The following RHPN2 variants were observed in gnomAD, a reference collection of about 807,000 sequenced individuals.
RHPN2 encodes rhophilin Rho GTPase binding protein 2.
RHPN2 carries 40 observed loss-of-function variants against 79.0 expected under a neutral mutation model. The observed-to-expected ratio is 0.51, with a 90% CI of 0.39 to 0.66. The LOEUF (loss-of-function observed/expected upper bound fraction) is 0.66. RHPN2 is among the 30% of genes least tolerant of loss of function. The pLI, the probability that RHPN2 is intolerant of heterozygous loss-of-function variation, is 0.00. For synonymous variants in RHPN2, 285 were observed against 363.5 expected (o/e 0.78, Z 2.46); for missense variants, 686 against 883.5 (o/e 0.78, Z 2.83).
chr19:33,050,109 A>G (rs559437238), intron 1 of RHPN2, among the ~76,000 whole-genome samples: 2 of 152,268 alleles, frequency 1.3e-5, no homozygotes, highest in South Asian at 4.1e-4. Flanking sequence ...CCCATTGGAA[A>G]ACCAAAGCCT....
chr19:33,061,540 G>C (rs571337798), intron 1 of RHPN2, among the ~76,000 whole-genome samples: 2 of 150,386 alleles, frequency 1.3e-5, no homozygotes, highest in South Asian at 2.1e-4. Context: ...CTGGAGTGCA[G>C]TGGCACAATC....
chr19:32,981,116 C>T (rs1326216351), intron 14 of RHPN2, among the ~76,000 whole-genome samples: 2 of 152,096 alleles, frequency 1.3e-5, no homozygotes, highest in Non-Finnish European at 2.9e-5. Context: ...TGAGCCACCA[C>T]GCCCGGCCCA....
At chr19:33,027,892 A>G (rs1300996299) in intron 2 of RHPN2, among the ~76,000 whole-genome samples, 2 of 152,238 alleles carry the variant, frequency 1.3e-5, no homozygotes, top group Admixed American at 1.3e-4. Flanking sequence ...AAAAACCCAC[A>G]GTTAACATCA....
chr19:33,013,971 G>A (rs1329108873), intron 4 of RHPN2, among the ~76,000 whole-genome samples: 1 of 151,480 alleles, frequency 6.6e-6, no homozygotes. Flanking sequence ...ACTTCTCCAG[G>A]CTGAAGCAAT....
chr19:33,031,185 T>G (rs1972007319), intron 2 of RHPN2, among the ~76,000 whole-genome samples: 1 of 147,834 alleles, frequency 6.8e-6, no homozygotes, highest in Non-Finnish European at 1.5e-5. Context: ...AACCTCATCG[T>G]TCAGAATTTT....
chr19:33,045,820 A>G (rs753195718), intron 1 of RHPN2, among the ~76,000 whole-genome samples: 89 of 152,268 alleles, frequency 5.8e-4, no homozygotes, highest in Non-Finnish European at 1.2e-3. Context: ...AAAAAAAAGC[A>G]AGTAGCCATT....
intron 6 of RHPN2, 69 bp downstream of exon 6, chr19:33,011,610 T>A (rs567717065): frequency 1.2e-6 from 2 of 1,609,764 alleles, no homozygotes; most frequent in Non-Finnish European, 1.7e-6. Flanking sequence ...GGGGCGTCTG[T>A]GATGCTGAGG....
At chr19:32,986,286 G>A (rs2145999150) in intron 14 of RHPN2, among the ~76,000 whole-genome samples, 1 of 152,332 alleles carries the variant, frequency 6.6e-6, no homozygotes, top group South Asian at 2.1e-4. Context: ...GCATGCCCCA[G>A]AAACTCAGGC....
intron 1 of RHPN2, among the ~76,000 whole-genome samples, chr19:33,059,302 A>ATTT (rs537027276): frequency 1.5e-4 from 20 of 136,872 alleles, no homozygotes; most frequent in Middle Eastern, 3.7e-3. Flanking sequence ...TTCTTTTATC[A>ATTT]TTTTTTTTTT....
intron 14 of RHPN2, among the ~76,000 whole-genome samples, chr19:32,987,298 A>C (rs1390996062): frequency 6.6e-6 from 1 of 151,684 alleles, no homozygotes; most frequent in Admixed American, 6.6e-5. Flanking sequence ...GTCCCTCCCG[A>C]CTCCCATTGC....
chr19:33,007,951 G>A, intron 7 of RHPN2, 63 bp downstream of exon 7: 1 of 1,578,518 alleles, frequency 6.3e-7, no homozygotes, highest in Non-Finnish European at 8.7e-7. Context: ...CTTCAGTGGG[G>A]GGTCCCCTGG....
At chr19:33,063,648 C>G (rs760559423) in intron 1 of RHPN2, among the ~76,000 whole-genome samples, 10 of 152,212 alleles carry the variant, frequency 6.6e-5, no homozygotes, top group Non-Finnish European at 1.2e-4. Context: ...ACTCCCGGCT[C>G]CAAAGCATCT....
chr19:32,983,762 G>A (rs1349881474), intron 14 of RHPN2, among the ~76,000 whole-genome samples: 1 of 151,720 alleles, frequency 6.6e-6, no homozygotes, highest in Non-Finnish European at 1.5e-5. Flanking sequence ...AAGTAGCTGG[G>A]ATTACAGGCA....
intron 2 of RHPN2, among the ~76,000 whole-genome samples, chr19:33,035,883 G>A (rs1007780203): frequency 7.9e-5 from 12 of 152,102 alleles, no homozygotes; most frequent in Non-Finnish European, 1.3e-4. Context: ...TTGGGAGGCC[G>A]AGGTGGGCAG....
At chr19:33,003,487 C>G (rs1293946448) in intron 7 of RHPN2, among the ~76,000 whole-genome samples, 1 of 151,630 alleles carries the variant, frequency 6.6e-6, no homozygotes, top group East Asian at 1.9e-4. Context: ...ATATATATCC[C>G]CAAACAATTG....
intron 4 of RHPN2, 136 bp from the exon 5 acceptor site, chr19:33,012,860 G>A: frequency 3.1e-6 from 2 of 647,170 alleles, no homozygotes; most frequent in Non-Finnish European, 5.6e-6. Flanking sequence ...TCAAAGTGGG[G>A]GAATTTATTT....
At chr19:33,021,293 A>G (rs1490698821) in intron 4 of RHPN2, among the ~76,000 whole-genome samples, 3 of 152,232 alleles carry the variant, frequency 2.0e-5, no homozygotes, top group South Asian at 4.1e-4. Context: ...CTCTGTAGAT[A>G]TCAACTGACT....
At position 32,985,861 on chromosome 19, in the gene RHPN2, G is replaced by T. The variant is rs548459787; in HGVS notation, c.1800+4653C>A. On this transcript the variant is annotated intron_variant, in intron 14 of 14. Coordinates refer to ENST00000254260, the MANE Select transcript of RHPN2 (RefSeq NM_033103.5). ...TGGCCAGGATGGTCTCGAACTCCTG[G>T]CTTCAAGTGATCCGCCGGCCTTGGC... Among the ~76,000 whole-genome samples, 3 of 152,286 alleles carry T rather than the reference G, an allele frequency of 2.0e-5. No individual in the cohort carries two copies. In the South Asian group the frequency reaches 6.2e-4, roughly 32 times the overall value.
In RHPN2 at chr19:33,040,536, C is replaced by T. The variant is rs569051293; in HGVS notation, c.185+3713G>A. 9.4e-4 allele frequency among the ~76,000 whole-genome samples: 143 copies of T among 152,174 alleles called. No individual in the cohort carries two copies. The Middle Eastern group carries it at 0.01, about 11-fold the overall frequency. On this transcript the variant is annotated intron_variant, in intron 2 of 14. Coordinates refer to ENST00000254260, the MANE Select transcript of RHPN2 (RefSeq NM_033103.5). Reference sequence around the variant, plus strand: ...TACAGAAGTGAGCCACAGTGCTCACCGGCCCTGCTTTAAATTTCACAAGGA... The same window carrying T: ...TACAGAAGTGAGCCACAGTGCTCACTGGCCCTGCTTTAAATTTCACAAGGA...
Sources: gnomAD v4.1 joint callset for allele counts (sites outside exome capture counted in the v4.1 genomes callset) on GRCh38, gnomAD v4.1.1 for gene constraint, MANE v1.5 for transcripts, NCBI Gene and HGNC (gene_info 2026-07-23, HGNC 2026-07-21) for gene names.